The following CACNB4 variants were observed in gnomAD, a reference collection of about 807,000 sequenced individuals.
CACNB4 encodes calcium voltage-gated channel auxiliary subunit beta 4.
A neutral mutation model predicts 71.2 loss-of-function variants in CACNB4; 32 were observed. The observed-to-expected ratio is 0.45, with a 90% CI of 0.34 to 0.60. CACNB4 has a LOEUF of 0.60. Among genes scored for constraint, CACNB4 ranks in the 20% least tolerant of loss-of-function variants. The pLI, the probability that CACNB4 is intolerant of heterozygous loss-of-function variation, is 0.01. For synonymous variants in CACNB4, 231 were observed against 236.9 expected (o/e 0.97, Z 0.23); for missense variants, 464 against 647.9 (o/e 0.72, Z 3.08).
chr2:151,880,860 A>G lies in CACNB4; in HGVS notation c.330T>C (p.Asp110=), dbSNP rs750887460. ...AGATAGCTGTGCTTGGAACAGGCACATCCTCGTCCAGGGCGCCGCAGTAGC... is the reference window on the plus strand; with the variant it reads ...AGATAGCTGTGCTTGGAACAGGCACGTCCTCGTCCAGGGCGCCGCAGTAGC... ...NVSYCGALDE[D]VPVPSTAISF... is the part of the protein sequence containing the mutation. Residue 110 remains aspartate (D), a synonymous_variant, in exon 4 of 14, where the codon GAT becomes GAC. Transcript: ENST00000539935. The G allele has an allele frequency of 6.2e-7, 1 of 1,613,878 alleles. No homozygotes were observed. The highest frequency in any genetic ancestry group is 1.1e-5 in the South Asian group (1 of 91,040).
At chr2:151,923,190 G>A (rs1360490787) in intron 2 of CACNB4, among the ~76,000 whole-genome samples, 1 of 152,226 alleles carries the variant, frequency 6.6e-6, no homozygotes, top group Non-Finnish European at 1.5e-5. Flanking sequence ...CTGCAAGTCA[G>A]AGTTAGCCTC....
intron 2 of CACNB4, among the ~76,000 whole-genome samples, chr2:151,890,570 T>C (rs1296218588): frequency 6.6e-6 from 1 of 152,186 alleles, no homozygotes; most frequent in Non-Finnish European, 1.5e-5. Flanking sequence ...GTAGATTCAT[T>C]TTTTAAAATT....
intron 12 of CACNB4, among the ~76,000 whole-genome samples, chr2:151,849,619 G>T (rs1159136061): frequency 6.6e-6 from 1 of 152,076 alleles, no homozygotes; most frequent in East Asian, 1.9e-4. Context: ...AAATGATGTG[G>T]TCTGGTATCT....
chr2:151,979,019 G>A (rs1023900735), intron 2 of CACNB4, among the ~76,000 whole-genome samples: 1 of 151,976 alleles, frequency 6.6e-6, no homozygotes, highest in East Asian at 1.9e-4. Flanking sequence ...TGTACCCAGC[G>A]CTCTCCCACT....
chr2:152,037,078 G>A (rs761280872), intron 2 of CACNB4, among the ~76,000 whole-genome samples: 1 of 152,154 alleles, frequency 6.6e-6, no homozygotes, highest in Non-Finnish European at 1.5e-5. Context: ...CCACACTTGC[G>A]GCTCAGGCCA....
chr2:151,940,593 C>T (rs567719482), intron 2 of CACNB4, among the ~76,000 whole-genome samples: 1 of 152,272 alleles, frequency 6.6e-6, no homozygotes, highest in Admixed American at 6.5e-5. Context: ...TCAACATATA[C>T]TAACAGTTGG....
chr2:152,075,865 C>A (rs557773724), intron 2 of CACNB4, among the ~76,000 whole-genome samples: 1 of 152,320 alleles, frequency 6.6e-6, no homozygotes, highest in Admixed American at 6.5e-5. Flanking sequence ...GTGCTGCCCA[C>A]AGTCTCCCTG....
intron 12 of CACNB4, among the ~76,000 whole-genome samples, chr2:151,847,216 C>CA (rs989384191): frequency 6.7e-4 from 101 of 151,110 alleles, no homozygotes; most frequent in African/African-American, 2.2e-3. Context: ...CCTGTCTCTA[C>CA]AAAAAATCAA....
At chr2:152,032,777 A>ACC (rs5835404) in intron 2 of CACNB4, among the ~76,000 whole-genome samples, 4 of 151,374 alleles carry the variant, frequency 2.6e-5, no homozygotes, top group East Asian at 1.9e-4. Context: ...ATATAGTGAG[A>ACC]CCCCCCATCT....
chr2:151,982,071 T>C (rs2099874811), intron 2 of CACNB4, among the ~76,000 whole-genome samples: 1 of 152,030 alleles, frequency 6.6e-6, no homozygotes, highest in Admixed American at 6.6e-5. Context: ...ATGAAGAAAA[T>C]GGAGGTTTGG....
chr2:152,073,828 G>A (rs1407406963), intron 2 of CACNB4, among the ~76,000 whole-genome samples: 1 of 152,078 alleles, frequency 6.6e-6, no homozygotes, highest in Non-Finnish European at 1.5e-5. Flanking sequence ...AGCATTAAAC[G>A]CTCTTATTTG....
chr2:152,007,450 A>G (rs1216179153), intron 2 of CACNB4, among the ~76,000 whole-genome samples: 2 of 152,256 alleles, frequency 1.3e-5, no homozygotes, highest in Non-Finnish European at 2.9e-5. Context: ...GATATTTCAT[A>G]TAAGTGGAAC....
At chr2:151,864,494 T>C (rs978385985) in intron 9 of CACNB4, among the ~76,000 whole-genome samples, 4 of 152,230 alleles carry the variant, frequency 2.6e-5, no homozygotes, top group African/African-American at 7.2e-5. Flanking sequence ...GTAAGATCTG[T>C]CTATATTCTA....
chr2:151,960,452 G>A (rs1261179027), intron 2 of CACNB4, among the ~76,000 whole-genome samples: 2 of 152,102 alleles, frequency 1.3e-5, no homozygotes, highest in East Asian at 1.9e-4. Flanking sequence ...CCCCGAGTTC[G>A]CCTTATCTTA....
intron 2 of CACNB4, among the ~76,000 whole-genome samples, chr2:151,932,852 G>A (rs866979996): frequency 1.1e-4 from 16 of 151,328 alleles, no homozygotes; most frequent in Middle Eastern, 6.8e-3. Context: ...AAAGGTGGGG[G>A]GTTGGGGAAT....
intron 2 of CACNB4, among the ~76,000 whole-genome samples, chr2:151,915,613 C>A (rs1043391104): frequency 1.3e-5 from 2 of 152,054 alleles, no homozygotes; most frequent in Admixed American, 6.6e-5. Flanking sequence ...GAGGCCGAGG[C>A]GGGTGGATTG....
intron 2 of CACNB4, among the ~76,000 whole-genome samples, chr2:152,050,303 C>A (rs748869237): frequency 6.6e-6 from 1 of 152,080 alleles, no homozygotes; most frequent in African/African-American, 2.4e-5. Flanking sequence ...ATTGATGAAG[C>A]GGACACAACC....
intron 2 of CACNB4, among the ~76,000 whole-genome samples, chr2:151,922,597 G>T (rs1309478665): frequency 6.6e-6 from 1 of 152,170 alleles, no homozygotes; most frequent in Non-Finnish European, 1.5e-5. Flanking sequence ...CCATTGTTCT[G>T]CCCAGCATGA....
rs144662954 is a variant in CACNB4, at chr2:151,855,210, A to G, written c.1020+14T>C. 6.6e-7 allele frequency: 1 copy of G among 1,516,650 alleles called. No individual in the cohort carries two copies. The highest frequency in any genetic ancestry group is 9.0e-7 in the Non-Finnish European group (1 of 1,113,508). The allele number at this position is 1,516,650 out of a possible 1,614,324, so 93.9% of individuals were successfully genotyped here. The stretch of plus-strand genomic sequence containing the variant: ...ATGCACTTCTAAACCTTAAGGCAGA[A>G]AGGAGCTAATTACCTTTGGAGATGA... On this transcript the variant is annotated intron_variant, in intron 11 of 13. Transcript: ENST00000539935.
Sources: allele counts gnomAD v4.1 joint callset (sites outside exome capture counted in the v4.1 genomes callset), GRCh38; gene constraint gnomAD v4.1.1; transcripts MANE v1.5; gene names NCBI Gene and HGNC (gene_info 2026-07-23, HGNC 2026-07-21).